Variants in EP400 observed in about 807,000 individuals in gnomAD.
EP400 encodes the protein E1A binding protein p400.
EP400 carries 105 observed loss-of-function variants against 354.1 expected under a neutral mutation model. The observed-to-expected ratio is 0.30, with a 90% CI of 0.25 to 0.35. The LOEUF is 0.35. EP400 is among the 10% of genes least tolerant of loss of function. The probability of loss-of-function intolerance (pLI) is 1.00; values close to 1 mark genes in which losing one functional copy is unlikely to be tolerated. For synonymous variants in EP400, 1,646 were observed against 1,716.9 expected (o/e 0.96, Z 1.02); for missense variants, 3,280 against 4,121.0 (o/e 0.80, Z 5.59).
intron 7 of EP400, 48 bp from the exon 8 acceptor site, chr12:131,989,916 A>G (rs370046090): frequency 4.2e-5 from 66 of 1,583,338 alleles, no homozygotes; most frequent in Non-Finnish European, 5.4e-5. Context: ...TTTTTTTTCC[A>G]GCATGACATA....
chr12:132,028,373 C>G, intron 27 of EP400, 85 bp downstream of exon 27: 1 of 1,523,748 alleles, frequency 6.6e-7, no homozygotes, highest in Non-Finnish European at 9.0e-7. Context: ...GGATGTACAT[C>G]TTACTCCCAT....
intron 19 of EP400, among the ~76,000 whole-genome samples, chr12:132,016,241 A>G (rs775439662): frequency 6.6e-6 from 1 of 151,224 alleles, no homozygotes; most frequent in African/African-American, 2.4e-5. Context: ...GCTTGTCTCC[A>G]TTTTTCGGTC....
chr12:132,021,042 C>G, intron 22 of EP400, 37 bp from the exon 23 acceptor site: 1 of 1,547,144 alleles, frequency 6.5e-7, no homozygotes, highest in Non-Finnish European at 8.7e-7. Context: ...TTAAGAACCT[C>G]TAACAGCTTT....
chr12:132,040,554 T>C (rs1391653017), intron 32 of EP400, among the ~76,000 whole-genome samples: 1 of 152,228 alleles, frequency 6.6e-6, no homozygotes, highest in African/African-American at 2.4e-5. Flanking sequence ...TTTTGAAACA[T>C]ACTTGTTGAT....
chr12:131,978,991 C>T (rs1372965564), intron 2 of EP400, among the ~76,000 whole-genome samples: 3 of 151,942 alleles, frequency 2.0e-5, no homozygotes, highest in Admixed American at 1.3e-4. Flanking sequence ...CCGAGGCAGG[C>T]GGATCATGAG....
Position 131,994,249 on chromosome 12 carries a change from G to C in EP400, c.2738-618G>C, listed in dbSNP as rs1241081949. ...GGAGAGATGTTATGTTAGATTGTGA[G>C]AGAAGAAAAGTTGAGAGCCAGCTGA... is the stretch of plus-strand genomic sequence containing the variant. On this transcript the variant is annotated intron_variant, in intron 11 of 52. Coordinates refer to ENST00000389561, the MANE Select transcript of EP400 (RefSeq NM_015409.5). The surrounding 1 kb of genome is among the most constrained non-coding windows in gnomAD (Gnocchi z 4.6). Among the ~76,000 whole-genome samples the C allele has an allele frequency of 6.6e-6, 1 of 152,228 alleles. No individual in the cohort carries two copies. The highest frequency in any genetic ancestry group is 1.5e-5 in the Non-Finnish European group (1 of 68,040).
intron 29 of EP400, chr12:132,031,102 G>A (rs761742262): frequency 2.4e-6 from 1 of 423,156 alleles, no homozygotes; most frequent in Non-Finnish European, 4.7e-6. Flanking sequence ...GAAGAGAGTT[G>A]GTCAGTGATT....
chr12:131,999,200 C>A (rs1027015549), intron 12 of EP400, among the ~76,000 whole-genome samples: 3 of 151,880 alleles, frequency 2.0e-5, no homozygotes, highest in African/African-American at 7.3e-5. Flanking sequence ...CTGAGCTCTC[C>A]GTGGTGTTTT....
intron 29 of EP400, among the ~76,000 whole-genome samples, chr12:132,030,578 G>A (rs1000559887): frequency 1.3e-5 from 2 of 152,274 alleles, no homozygotes; most frequent in African/African-American, 2.4e-5. Flanking sequence ...ATATCCTCCC[G>A]TGAAAGCATA....
At position 131,994,925 on chromosome 12, in the gene EP400, C is replaced by A; in HGVS notation, c.2796C>A (p.His932Gln). ...AAGCAAATGAAGGCGTTGTGGACCACCAAACAGAACTTTCTAATTTAGCCA... is the reference window on the plus strand; with the variant it reads ...AAGCAAATGAAGGCGTTGTGGACCAACAAACAGAACTTTCTAATTTAGCCA... ...EEEANEGVVD[H>Q]QTELSNLAKE... The change falls in exon 12 of 53, where the codon CAC (histidine) becomes CAA (glutamine). Residue 932 changes from histidine to glutamine, a missense_variant. His to Gln is a conservative substitution (Grantham distance 24, BLOSUM62 0). This residue lies in a region of EP400 where 800 missense variants were observed against 840.0 expected (regional missense o/e 0.95). Transcript: ENST00000389561. This position sits in a 1 kb window ranked among gnomAD's most constrained non-coding sequence, Gnocchi z 4.6. 1.2e-6 allele frequency: 2 copies of A among 1,613,998 alleles called. No individual in the cohort carries two copies. Among genetic ancestry groups the A allele is most frequent in the Non-Finnish European group, 1.7e-6 (2 of 1,179,942 alleles).
chr12:132,072,456 A>C (rs1210121220), intron 51 of EP400, among the ~76,000 whole-genome samples: 4 of 152,190 alleles, frequency 2.6e-5, no homozygotes, highest in Non-Finnish European at 2.9e-5. Flanking sequence ...CTTAATTTCC[A>C]GGTGAGGTTT....
In EP400 at chr12:132,017,153, A is replaced by G. The variant is rs7133781; in HGVS notation, c.3924-382A>G. Among the ~76,000 whole-genome samples the G allele has an allele frequency of 0.12, 18,794 of 152,204 alleles. 2,391 individuals carry two copies. Among genetic ancestry groups the G allele is most frequent in the African/African-American group, 0.32 (13,328 of 41,514 alleles). ...CGCTCACTGCCTGCAGGGCCAGTGT[A>G]GGACCAGGCGTCAGAGCTGCCGAGC... On this transcript the variant is annotated intron_variant, in intron 19 of 52. Coordinates refer to ENST00000389561, the MANE Select transcript of EP400 (RefSeq NM_015409.5). This position sits in a 1 kb window ranked among gnomAD's most constrained non-coding sequence, Gnocchi z 5.0.
chr12:132,031,777 G>A (rs1244610755), intron 29 of EP400, among the ~76,000 whole-genome samples, 176 bp from the exon 30 acceptor site: 2 of 151,982 alleles, frequency 1.3e-5, no homozygotes, highest in African/African-American at 2.4e-5. Flanking sequence ...GGATGATCTC[G>A]ATCTGCTGAC....
Position 132,077,385 on chromosome 12 carries a change from G to T in EP400, c.9100-16G>T. On this transcript the variant is annotated splice_polypyrimidine_tract_variant and intron_variant, in intron 52 of 52. Transcript: ENST00000389561. ...GTTTCCTGGGCAATGTGTGTTTTCT[G>T]ACTCTCTCGGCTCAGGCTTCTCCAC... 1 of 1,602,068 alleles carries T rather than the reference G, an allele frequency of 6.2e-7. No homozygotes were observed. The highest frequency in any genetic ancestry group is 8.5e-7 in the Non-Finnish European group (1 of 1,172,870).
In EP400 at chr12:132,070,585, T is replaced by C. The variant is rs1380050146; in HGVS notation, c.9021+944T>C. On this transcript the variant is annotated intron_variant, in intron 51 of 52. Transcript: ENST00000389561. The surrounding 1 kb of genome is among the most constrained non-coding windows in gnomAD (Gnocchi z 4.1). ...CACTTCTGTGTTAATTTTAGTTAGC[T>C]TAGTTCATACACTACAATCAAAACT... Among the ~76,000 whole-genome samples, 3 of 152,240 alleles carry C rather than the reference T, an allele frequency of 2.0e-5. No homozygotes were observed. In the East Asian group the frequency reaches 5.8e-4, roughly 29 times the overall value.
intron 12 of EP400, among the ~76,000 whole-genome samples, chr12:131,996,971 A>G (rs1893236485): frequency 6.6e-6 from 1 of 152,198 alleles, no homozygotes; most frequent in Admixed American, 6.5e-5. Flanking sequence ...TTCAGCATAC[A>G]GCAAGTCCTC....
At chr12:132,023,109 A>G (rs1894175046) in intron 23 of EP400, among the ~76,000 whole-genome samples, 1 of 150,948 alleles carries the variant, frequency 6.6e-6, no homozygotes, top group African/African-American at 2.4e-5. Context: ...GTGAGTTTCC[A>G]AGTGTATTAC....
chr12:132,065,925 T>C (rs1376830800), intron 48 of EP400: 2 of 152,230 alleles, frequency 1.3e-5, no homozygotes, highest in Non-Finnish European at 2.9e-5. Context: ...TGCACGCTTA[T>C]TTAACTAAAC....
intron 12 of EP400, among the ~76,000 whole-genome samples, chr12:131,998,249 A>C (rs971705108): frequency 6.6e-6 from 1 of 152,048 alleles, no homozygotes; most frequent in African/African-American, 2.4e-5. Flanking sequence ...TGTTAGGAGG[A>C]TCTTGTCTAT....
Sources: gnomAD v4.1 joint callset for allele counts (sites outside exome capture counted in the v4.1 genomes callset) on GRCh38, gnomAD v4.1.1 for gene constraint, gnomAD v4.1.1 regional missense constraint, Gnocchi (gnomAD v3.1) non-coding constraint, MANE v1.5 for transcripts, NCBI Gene and HGNC (gene_info 2026-07-23, HGNC 2026-07-21) for gene names.